CDYL: variants seen among roughly 807,000 people sequenced by gnomAD.
CDYL encodes chromodomain Y-like protein.
A neutral mutation model predicts 47.3 loss-of-function variants in CDYL; 8 were observed. That is an observed-to-expected ratio of 0.17 (90% confidence interval 0.10 to 0.31). CDYL has a LOEUF of 0.31. CDYL is among the 10% of genes least tolerant of loss of function. The probability of loss-of-function intolerance (pLI) is 1.00; values close to 1 mark genes in which losing one functional copy is unlikely to be tolerated. For synonymous variants in CDYL, 266 were observed against 265.0 expected, an observed-to-expected ratio of 1.00 and a Z score of -0.04; for missense variants, 471 against 701.4, an observed-to-expected ratio of 0.67 and a Z score of 3.71.
exon 2 of CDYL, chr6:4,715,834 G>T (rs749250122): frequency 1.2e-6 from 2 of 1,614,152 alleles, no homozygotes; most frequent in Non-Finnish European, 1.7e-6. Context: ...AAGAAAAACT[G>T]GCAATACGAG....
intron 2 of CDYL, among the ~76,000 whole-genome samples, chr6:4,929,015 A>G (rs145624591): frequency 2.6e-5 from 4 of 152,204 alleles, no homozygotes; most frequent in Admixed American, 1.3e-4. Flanking sequence ...TTTTACCCAT[A>G]TATTTACTGG....
intron 3 of CDYL, among the ~76,000 whole-genome samples, chr6:4,737,348 T>C (rs1474743518): frequency 1.6e-5 from 1 of 63,060 alleles, no homozygotes; most frequent in Non-Finnish European, 2.9e-5. Flanking sequence ...ACTTAAGAAA[T>C]ATTTGCAACA....
chr6:4,714,483 T>C (rs1438792022), intron 1 of CDYL: 1 of 152,192 alleles, frequency 6.6e-6, no homozygotes, highest in Non-Finnish European at 1.5e-5. Flanking sequence ...ATGCCTGGTA[T>C]ATAATAAGCT....
chr6:4,845,111 C>T (rs1346032522), intron 1 of CDYL, among the ~76,000 whole-genome samples: 1 of 152,138 alleles, frequency 6.6e-6, no homozygotes, highest in Non-Finnish European at 1.5e-5. Flanking sequence ...TTTTGTCTGT[C>T]ACTTGATATT....
At position 4,732,682 on chromosome 6, in the gene CDYL, G is replaced by A. The variant is rs914898539; in HGVS notation, c.104-2080G>A. Among the ~76,000 whole-genome samples, 4 of 141,056 alleles carry A rather than the reference G, an allele frequency of 2.8e-5. No individual in the cohort carries two copies. The East Asian group carries it at 9.3e-4, about 33-fold the overall frequency. 92.5% of individuals were successfully genotyped at this position (141,056 alleles called of 152,430 possible). ...TGTTTTTTAAAAAAAAAGAGGGGGG[G>A]ATTGGGGGGGAATTCTCAGTATCCC... On this transcript the variant is annotated intron_variant, in intron 2 of 8. Transcript: ENST00000328908.
At chr6:4,715,702 T>C (rs1757243175) in intron 1 of CDYL, 2 of 1,584,926 alleles carry the variant, frequency 1.3e-6, no homozygotes, top group East Asian at 4.5e-5. Context: ...TTTTCCCATG[T>C]ACTGTAGTAA....
chr6:4,734,485 C>T (rs1323056527), intron 2 of CDYL, among the ~76,000 whole-genome samples: 1 of 152,250 alleles, frequency 6.6e-6, no homozygotes, highest in Non-Finnish European at 1.5e-5. Flanking sequence ...GCCCACAGCA[C>T]ATCCTTCCAC....
chr6:4,943,844 G>GTA, intron 5 of CDYL, 88 bp downstream of exon 5: 2 of 982,066 alleles, frequency 2.0e-6, no homozygotes, highest in Non-Finnish European at 1.5e-6. Context: ...TTCTAAAGCT[G>GTA]TACAGTGTGT....
intron 5 of CDYL, among the ~76,000 whole-genome samples, chr6:4,951,951 G>T (rs554906640): frequency 1.3e-5 from 2 of 152,114 alleles, no homozygotes; most frequent in African/African-American, 4.8e-5. Flanking sequence ...CTTTTTAAAC[G>T]AATGGCAAAA....
chr6:4,817,341 C>CT (rs1759703490), intron 1 of CDYL, among the ~76,000 whole-genome samples: 1 of 149,912 alleles, frequency 6.7e-6, no homozygotes, highest in Non-Finnish European at 1.5e-5. Context: ...TCACCCTTTC[C>CT]TTTTTAAGAG....
chr6:4,846,379 T>C (rs114181153), intron 1 of CDYL, among the ~76,000 whole-genome samples: 217 of 152,310 alleles, frequency 1.4e-3, no homozygotes, highest in African/African-American at 4.7e-3. Flanking sequence ...TTTAGTTCAT[T>C]GCTCCTAGAA....
chr6:4,942,881 G>A (rs1758401396), intron 4 of CDYL, among the ~76,000 whole-genome samples: 1 of 152,202 alleles, frequency 6.6e-6, no homozygotes, highest in Admixed American at 6.5e-5. Flanking sequence ...GTGGGTACAG[G>A]CCTGAGCCCT....
intron 1 of CDYL, among the ~76,000 whole-genome samples, chr6:4,856,485 A>T (rs935180756): frequency 1.3e-5 from 2 of 152,222 alleles, no homozygotes; most frequent in African/African-American, 4.8e-5. Context: ...AGGGCAGTCC[A>T]CACATGTCCA....
chr6:4,807,357 A>G (rs562153071), intron 1 of CDYL, among the ~76,000 whole-genome samples: 1 of 152,172 alleles, frequency 6.6e-6, no homozygotes, highest in Non-Finnish European at 1.5e-5. Context: ...TAAAGTAACT[A>G]CTTTTCACTT....
chr6:4,892,293 G>C lies in CDYL; in HGVS notation c.605G>C (p.Ser202Thr), dbSNP rs1762071527. 2 of 1,614,186 alleles carry C rather than the reference G, an allele frequency of 1.2e-6. No individual in the cohort carries two copies. Among genetic ancestry groups the C allele is most frequent in the African/African-American group, 2.7e-5 (2 of 75,066 alleles). ...GPGAERARMG[S>T]RPRIHPLVPQ... The stretch of plus-strand genomic sequence containing the variant: ...GGTGCCGAGAGGGCCAGGATGGGGA[G>C]CAGGCCCAGGATACACCCACTAGTG... Residue 202 changes from serine (S) to threonine (T), a missense_variant, in exon 2 of 7, where the codon AGC (serine) becomes ACC (threonine). Physicochemically the swap from Ser to Thr is moderately conservative, Grantham distance 58 (BLOSUM62 1). This residue lies in a region of CDYL where 311 missense variants were observed against 350.0 expected (regional missense o/e 0.89). Coordinates refer to ENST00000397588, the MANE Select transcript of CDYL (RefSeq NM_004824.4).
intron 2 of CDYL, among the ~76,000 whole-genome samples, chr6:4,719,078 C>A (rs1561821504): frequency 6.6e-6 from 1 of 152,132 alleles, no homozygotes; most frequent in Admixed American, 6.5e-5. Context: ...CATGCACCAC[C>A]ACACCTGGCT....
intron 2 of CDYL, among the ~76,000 whole-genome samples, chr6:4,925,667 C>T (rs913433470): frequency 7.2e-5 from 11 of 152,086 alleles, no homozygotes; most frequent in East Asian, 1.9e-4. Context: ...CCGCCCACCT[C>T]GGCCTCCTAA....
chr6:4,886,208 C>G (rs1209553455), intron 1 of CDYL, among the ~76,000 whole-genome samples: 1 of 152,148 alleles, frequency 6.6e-6, no homozygotes, highest in African/African-American at 2.4e-5. Flanking sequence ...TATGAACATT[C>G]TTCTGTAAGT....
chr6:4,876,072 TGTCA>T (rs1457952993), intron 1 of CDYL, among the ~76,000 whole-genome samples: 1 of 152,222 alleles, frequency 6.6e-6, no homozygotes, highest in Non-Finnish European at 1.5e-5. Context: ...GCTGGAAAGC[TGTCA>T]GTCACCCCAG....
Sources: allele counts gnomAD v4.1 joint callset (sites outside exome capture counted in the v4.1 genomes callset), GRCh38; gene constraint gnomAD v4.1.1; regional missense constraint gnomAD v4.1.1; transcripts MANE v1.5; gene names NCBI Gene and HGNC (gene_info 2026-07-23, HGNC 2026-07-21).